The following TENM2 variants were observed in gnomAD, a reference collection of about 807,000 sequenced individuals.
The protein encoded by TENM2 is teneurin transmembrane protein 2, also known as teneurin-2.
In TENM2, 52 loss-of-function variants were observed where a neutral mutation model predicts 245.2. That is an observed-to-expected ratio of 0.21 (90% CI 0.17 to 0.27). TENM2 has a LOEUF of 0.27. Among genes scored for constraint, TENM2 ranks in the 10% least tolerant of loss-of-function variants. The pLI, the probability that TENM2 is intolerant of heterozygous loss-of-function variation, is 1.00. For missense variants in TENM2, 3,046 were observed against 3,666.8 expected, an observed-to-expected ratio of 0.83 and a Z score of 4.37; for synonymous variants, 1,363 against 1,438.9, an observed-to-expected ratio of 0.95 and a Z score of 1.19.
the TENM2 span, among the ~76,000 whole-genome samples, chr5:167,158,895 CCTT>C: frequency 6.9e-6 from 1 of 144,672 alleles, no homozygotes; most frequent in African/African-American, 2.6e-5. Flanking sequence ...TTCCTTCCTT[CCTT>C]CCTTCCTTCC....
chr5:167,657,491 T>C (rs1229125579), intron 2 of TENM2, among the ~76,000 whole-genome samples: 1 of 152,200 alleles, frequency 6.6e-6, no homozygotes, highest in Non-Finnish European at 1.5e-5. Flanking sequence ...TTCCTTTGGA[T>C]AAATGCCCAG....
At chr5:167,731,849 A>G (rs1213438026) in intron 2 of TENM2, among the ~76,000 whole-genome samples, 2 of 152,042 alleles carry the variant, frequency 1.3e-5, no homozygotes, top group African/African-American at 4.8e-5. Flanking sequence ...GCCTGGCAAA[A>G]AGTAGGTGCT....
intron 2 of TENM2, among the ~76,000 whole-genome samples, chr5:167,657,067 A>G (rs947242226): frequency 1.7e-4 from 26 of 151,640 alleles, no homozygotes; most frequent in Middle Eastern, 3.4e-3. Context: ...ATTTCTTCCT[A>G]TATAGCTGTT....
At chr5:167,616,980 C>A (rs1230718197) in intron 2 of TENM2, among the ~76,000 whole-genome samples, 1 of 152,074 alleles carries the variant, frequency 6.6e-6, no homozygotes, top group Non-Finnish European at 1.5e-5. Context: ...CTCCCTTGTG[C>A]CTATACACAT....
At chr5:167,072,874 T>G in the TENM2 span, among the ~76,000 whole-genome samples, 29 of 152,320 alleles carry the variant, frequency 1.9e-4, no homozygotes, top group South Asian at 8.3e-4. Context: ...ACATAAGGTC[T>G]GTATATTGCT....
intron 2 of TENM2, among the ~76,000 whole-genome samples, chr5:167,402,179 A>T (rs893910208): frequency 1.2e-4 from 18 of 152,148 alleles, no homozygotes; most frequent in Admixed American, 2.0e-4. Context: ...TCTTTCTGAG[A>T]TTCTCCTTGG....
Position 167,815,972 on chromosome 5 carries a change from T to TTGTGTG in TENM2, c.503-59980_503-59975dup, listed in dbSNP as rs34151147. Among the ~76,000 whole-genome samples, 207 of 144,130 alleles carry TTGTGTG rather than the reference T, an allele frequency of 1.4e-3. 1 individual carries two copies. The highest frequency in any genetic ancestry group is 9.5e-3 in the South Asian group (42 of 4,400). The allele number at this position is 144,130 out of a possible 152,430, so 94.6% of individuals were successfully genotyped here. ...ATCACTTAAGTCCCATTATGATCCT[T>TTGTGTG]TGTGTGTGTGTGTGTGTGTGTGTGT... On this transcript the variant is annotated intron_variant, in intron 2 of 28. Transcript: ENST00000518659.
chr5:168,192,240 C>T (rs1433537241), intron 14 of TENM2, among the ~76,000 whole-genome samples: 1 of 152,148 alleles, frequency 6.6e-6, no homozygotes, highest in Non-Finnish European at 1.5e-5. Context: ...CATAACATTG[C>T]CCTAGAAATG....
At chr5:167,675,819 TC>T (rs1756282043) in intron 2 of TENM2, among the ~76,000 whole-genome samples, 1 of 152,154 alleles carries the variant, frequency 6.6e-6, no homozygotes, top group African/African-American at 2.4e-5. Flanking sequence ...AGTCGCATTT[TC>T]ATGTAGACAG....
chr5:167,285,165 A>G (rs970142236), intron 1 of TENM2, 102 bp downstream of exon 3: 1 of 841,866 alleles, frequency 1.2e-6, no homozygotes, highest in Admixed American at 2.1e-5. Flanking sequence ...GGTTTTTGAC[A>G]GATGTACCCT....
chr5:167,405,075 G>A (rs1035714046), intron 2 of TENM2, among the ~76,000 whole-genome samples: 3 of 152,132 alleles, frequency 2.0e-5, no homozygotes, highest in Non-Finnish European at 2.9e-5. Context: ...CATTTAGCAT[G>A]ATGTTCTTGA....
chr5:167,176,642 C>T, the TENM2 span, among the ~76,000 whole-genome samples: 1 of 152,294 alleles, frequency 6.6e-6, no homozygotes, highest in Admixed American at 6.5e-5. Flanking sequence ...GCAGTGGCCT[C>T]AATCATAACC....
chr5:167,741,904 C>T (rs1310161755), intron 2 of TENM2, among the ~76,000 whole-genome samples: 2 of 152,144 alleles, frequency 1.3e-5, no homozygotes, highest in Non-Finnish European at 2.9e-5. Flanking sequence ...AAACAGGGCC[C>T]TGGTTGTCAT....
At chr5:168,259,424 C>G (rs955959372) in intron 27 of TENM2, among the ~76,000 whole-genome samples, 5 of 151,800 alleles carry the variant, frequency 3.3e-5, no homozygotes, top group African/African-American at 1.2e-4. Context: ...CCTGTCTCTA[C>G]TGAAAAATAC....
At chr5:167,204,034 T>A in the TENM2 span, among the ~76,000 whole-genome samples, 2 of 151,438 alleles carry the variant, frequency 1.3e-5, no homozygotes, top group Non-Finnish European at 2.9e-5. Flanking sequence ...ATGGGAGAGG[T>A]TCATATCTGC....
At chr5:167,873,716 G>C (rs538367740) in intron 2 of TENM2, among the ~76,000 whole-genome samples, 3 of 152,090 alleles carry the variant, frequency 2.0e-5, no homozygotes, top group Non-Finnish European at 2.9e-5. Flanking sequence ...CTGGGATGAG[G>C]GAGGTATTGA....
chr5:168,095,695 GT>G (rs1333613091), intron 8 of TENM2, among the ~76,000 whole-genome samples: 2 of 152,094 alleles, frequency 1.3e-5, no homozygotes, highest in African/African-American at 4.8e-5. Context: ...GTTATATAGT[GT>G]TTTGCATATA....
intron 3 of TENM2, among the ~76,000 whole-genome samples, chr5:167,888,761 A>G (rs1004360303): frequency 6.6e-6 from 1 of 152,084 alleles, no homozygotes; most frequent in East Asian, 1.9e-4. Context: ...CTCTTTTGTC[A>G]TTTCCATCAG....
chr5:168,222,129 G>T (rs1223247873), intron 23 of TENM2, among the ~76,000 whole-genome samples: 1 of 152,208 alleles, frequency 6.6e-6, no homozygotes, highest in East Asian at 1.9e-4. Flanking sequence ...CTGTAGAGTG[G>T]ATACAAGAGT....
Sources: allele counts gnomAD v4.1 joint callset (sites outside exome capture counted in the v4.1 genomes callset), GRCh38; gene constraint gnomAD v4.1.1; transcripts MANE v1.5; gene names NCBI Gene and HGNC (gene_info 2026-07-23, HGNC 2026-07-21).